Variants in PDCD11 observed in about 807,000 individuals in gnomAD.
PDCD11 encodes programmed cell death 11, also known as protein RRP5 homolog.
A neutral mutation model predicts 198.9 loss-of-function variants in PDCD11; 97 were observed. The observed-to-expected ratio is 0.49, with a 90% CI of 0.41 to 0.58. PDCD11 has a LOEUF of 0.58. Ranked by LOEUF, PDCD11 falls within the 20% of genes least tolerant of loss-of-function variation. The pLI is 0.00. For synonymous variants in PDCD11, 893 were observed against 918.0 expected (o/e 0.97, Z 0.49); for missense variants, 2,102 against 2,312.7 (o/e 0.91, Z 1.87).
chr10:103,412,300 A>C (rs2030847529), intron 8 of PDCD11, among the ~76,000 whole-genome samples: 1 of 150,534 alleles, frequency 6.6e-6, no homozygotes, highest in Non-Finnish European at 1.5e-5. Context: ...AGCTGGAATT[A>C]CAGGTACGTA....
At chr10:103,396,916 C>T (rs1592105434) in intron 1 of PDCD11, among the ~76,000 whole-genome samples, 186 bp downstream of exon 1, 1 of 152,158 alleles carries the variant, frequency 6.6e-6, no homozygotes, top group Non-Finnish European at 1.5e-5. Flanking sequence ...GCCTAAGTAT[C>T]TTCTGTGCCC....
intron 16 of PDCD11, 127 bp from the exon 17 acceptor site, chr10:103,421,221 A>T (rs1174874591): frequency 1.5e-6 from 1 of 688,170 alleles, no homozygotes; most frequent in Admixed American, 2.3e-5. Context: ...CTGTGTTCAG[A>T]GAGGGCTTGG....
intron 5 of PDCD11, 148 bp downstream of exon 5, chr10:103,405,331 T>G (rs757302695): frequency 2.9e-6 from 2 of 681,872 alleles, no homozygotes; most frequent in Admixed American, 2.9e-5. Flanking sequence ...TTGGGTTCTT[T>G]GGGCACTTAA....
chr10:103,404,888 G>C (rs1212847193), intron 4 of PDCD11, 134 bp from the exon 5 acceptor site: 3 of 689,660 alleles, frequency 4.3e-6, no homozygotes, highest in Admixed American at 2.9e-5. Context: ...CTTTGTGGAT[G>C]GGGGGTTATT....
In PDCD11 at chr10:103,444,023, C is replaced by T; in HGVS notation, c.5233C>T (p.His1745Tyr). 6.2e-7 allele frequency: 1 copy of T among 1,612,818 alleles called. No individual in the cohort carries two copies. The highest frequency in any genetic ancestry group is 8.5e-7 in the Non-Finnish European group (1 of 1,179,912). ...LLRRSQAAASHRVLQRALECL... is the reference protein window; with the variant it reads ...LLRRSQAAASYRVLQRALECL... The stretch of plus-strand genomic sequence containing the variant: ...GCGGAGGAGCCAGGCTGCAGCCAGT[C>T]ACCGCGTGCTGCAGCGAGCCCTGGA... The change falls in exon 34 of 36, where the codon CAC becomes TAC. Residue 1745 changes from histidine (H) to tyrosine (Y), a missense_variant. By Grantham distance (83) the His-to-Tyr change is moderately conservative. Transcript: ENST00000369797.
At chr10:103,444,215 C>A in intron 34 of PDCD11, 147 bp downstream of exon 34, 2 of 690,800 alleles carry the variant, frequency 2.9e-6, no homozygotes, top group Non-Finnish European at 2.4e-6. Context: ...CTCAGCATAA[C>A]AGTGCATGTT....
chr10:103,416,361 T>G, intron 12 of PDCD11, 130 bp from the exon 13 acceptor site: 1 of 821,268 alleles, frequency 1.2e-6, no homozygotes, highest in African/African-American at 1.7e-5. Context: ...ACTGAGATGA[T>G]TAGAGGAAAA....
chr10:103,418,971 T>C (rs894105547), intron 15 of PDCD11, among the ~76,000 whole-genome samples: 4 of 143,666 alleles, frequency 2.8e-5, no homozygotes, highest in Non-Finnish European at 4.5e-5. Context: ...AGGTGGCTTC[T>C]GTCCCCCTTT....
At position 103,445,641 on chromosome 10, in the gene PDCD11, C is replaced by A; in HGVS notation, c.*92C>A. 1 of 1,052,348 alleles carries A rather than the reference C, an allele frequency of 9.5e-7. No individual in the cohort carries two copies. The highest frequency in any genetic ancestry group is 1.4e-6 in the Non-Finnish European group (1 of 719,818). The allele number at this position is 1,052,348 out of a possible 1,614,324, so 65.2% of individuals were successfully genotyped here. On this transcript the variant is annotated 3_prime_UTR_variant, in exon 36 of 36. Transcript: ENST00000369797. ...CACTCGGAAAACTGTTACCTCAGGA[C>A]TCTATTTAAATGCTGCTTTTTCTGC...
intron 2 of PDCD11, among the ~76,000 whole-genome samples, 180 bp from the exon 3 acceptor site, chr10:103,400,217 G>C (rs567091804): frequency 4.7e-5 from 6 of 127,478 alleles, no homozygotes; most frequent in Admixed American, 7.9e-5. Flanking sequence ...AACATTGGCG[G>C]CCCCCCCCCT....
intron 6 of PDCD11, 41 bp downstream of exon 6, chr10:103,406,149 G>A (rs2030435859): frequency 1.2e-6 from 2 of 1,602,566 alleles, no homozygotes; most frequent in Non-Finnish European, 8.5e-7. Context: ...TGGTGAGGTG[G>A]TACATGTGGG....
At chr10:103,442,565 G>A in intron 32 of PDCD11, 105 bp downstream of exon 32, 2 of 1,315,034 alleles carry the variant, frequency 1.5e-6, no homozygotes, top group Non-Finnish European at 2.1e-6. Context: ...AGCATTTTGG[G>A]TGGCTGCCAC....
chr10:103,402,147 A>G (rs1302950203), intron 3 of PDCD11, among the ~76,000 whole-genome samples: 1 of 152,230 alleles, frequency 6.6e-6, no homozygotes, highest in Non-Finnish European at 1.5e-5. Context: ...TGTAATGACA[A>G]GGAGCTGAGT....
At chr10:103,405,821 A>C (rs1308207083) in intron 5 of PDCD11, among the ~76,000 whole-genome samples, 164 bp from the exon 6 acceptor site, 1 of 152,182 alleles carries the variant, frequency 6.6e-6, no homozygotes, top group African/African-American at 2.4e-5. Context: ...GGGAGTGTTG[A>C]ATTTGATGTC....
chr10:103,400,732 A>T (rs1050391300), intron 3 of PDCD11, among the ~76,000 whole-genome samples: 18 of 151,972 alleles, frequency 1.2e-4, no homozygotes, highest in African/African-American at 4.4e-4. Flanking sequence ...CGATGCCAGG[A>T]ATCTTTTCTT....
chr10:103,406,300 C>CA (rs2030444251), intron 6 of PDCD11, among the ~76,000 whole-genome samples, 192 bp downstream of exon 6: 3 of 152,184 alleles, frequency 2.0e-5, no homozygotes, highest in Admixed American at 2.0e-4. Flanking sequence ...GGTAAGGTCT[C>CA]ACTAAGATCT....
At chr10:103,428,316 A>AAG (rs1171581898) in intron 21 of PDCD11, among the ~76,000 whole-genome samples, 1 of 151,806 alleles carries the variant, frequency 6.6e-6, no homozygotes, top group African/African-American at 2.4e-5. Context: ...AAAGAAAAAA[A>AAG]AAAAACACAA....
At chr10:103,443,070 G>T in intron 32 of PDCD11, 95 bp from the exon 33 acceptor site, 2 of 1,105,940 alleles carry the variant, frequency 1.8e-6, no homozygotes, top group South Asian at 3.3e-5. Flanking sequence ...ACAGATAGAG[G>T]CTGGGAGGGG....
Position 103,414,327 on chromosome 10 carries a change from A to T in PDCD11, c.1368A>T (p.Val456=). The T allele has an allele frequency of 6.2e-7, 1 of 1,612,098 alleles. No individual in the cohort carries two copies. Residue 456 remains valine, a synonymous_variant, in exon 11 of 36, where the codon GTA becomes GTT. Coordinates refer to ENST00000369797, the MANE Select transcript of PDCD11 (RefSeq NM_014976.2). ...ATGACATCGAACCTGGGGCAGTGGTAAAGGTAAGACCTCAAGCATATAATT... is the reference window on the plus strand; with the variant it reads ...ATGACATCGAACCTGGGGCAGTGGTTAAGGTAAGACCTCAAGCATATAATT... ...RYHDIEPGAV[V]KGTVLTIKSY...
Sources: allele counts gnomAD v4.1 joint callset (sites outside exome capture counted in the v4.1 genomes callset), GRCh38; gene constraint gnomAD v4.1.1; transcripts MANE v1.5; gene names NCBI Gene and HGNC (gene_info 2026-07-23, HGNC 2026-07-21).